Variants in VAV3 observed in about 807,000 individuals in gnomAD.
VAV3 encodes guanine nucleotide exchange factor VAV3.
A neutral mutation model predicts 131.2 loss-of-function variants in VAV3; 94 were observed. The observed-to-expected ratio is 0.72, with a 90% CI of 0.61 to 0.85. The LOEUF (loss-of-function observed/expected upper bound fraction) is 0.85, where lower values mean the gene tolerates loss of function less well. VAV3 is among the 40% of genes least tolerant of loss of function. The pLI is 0.00. For missense variants in VAV3, 939 were observed against 1,002.7 expected, an observed-to-expected ratio of 0.94 and a Z score of 0.86; for synonymous variants, 349 against 342.0, an observed-to-expected ratio of 1.02 and a Z score of -0.22.
intron 25 of VAV3, among the ~76,000 whole-genome samples, chr1:107,584,283 T>C (rs748073556): frequency 2.9e-4 from 44 of 152,290 alleles, no homozygotes; most frequent in Non-Finnish European, 5.3e-4. Context: ...ACTTAAACAT[T>C]AGACCTAAAA....
At chr1:107,707,729 CTG>C (rs1403506758) in intron 15 of VAV3, among the ~76,000 whole-genome samples, 2 of 152,182 alleles carry the variant, frequency 1.3e-5, no homozygotes, top group Non-Finnish European at 2.9e-5. Flanking sequence ...GTGTATGAAA[CTG>C]TGATCTCTTC....
chr1:107,624,655 C>A (rs1037836115), intron 20 of VAV3, among the ~76,000 whole-genome samples: 2 of 152,044 alleles, frequency 1.3e-5, no homozygotes, highest in African/African-American at 4.8e-5. Flanking sequence ...CTATCCTTGG[C>A]AATTTTAATC....
In VAV3 at chr1:107,950,692, C is replaced by T. The variant is rs557012900; in HGVS notation, c.204+13974G>A. Among the ~76,000 whole-genome samples the T allele has an allele frequency of 6.6e-5, 10 of 152,208 alleles. No homozygotes were observed. The South Asian group carries it at 2.1e-3, about 32-fold the overall frequency. ...TCTAGGAGTCAGGTGACTGGCATAT[C>T]TCATGTTACAGAAGGTGAAGGGAAT... On this transcript the variant is annotated intron_variant, in intron 1 of 26. Coordinates refer to ENST00000370056, the MANE Select transcript of VAV3 (RefSeq NM_006113.5).
At chr1:107,665,643 A>T (rs1351499534) in intron 19 of VAV3, among the ~76,000 whole-genome samples, 1 of 152,222 alleles carries the variant, frequency 6.6e-6, no homozygotes, top group Non-Finnish European at 1.5e-5. Context: ...TCATATGACA[A>T]GGTCAAGGGT....
intron 20 of VAV3, among the ~76,000 whole-genome samples, chr1:107,641,810 A>G (rs1325434401): frequency 6.6e-6 from 1 of 152,152 alleles, no homozygotes; most frequent in Non-Finnish European, 1.5e-5. Flanking sequence ...CTCGGTTTGG[A>G]AAAAATGCTC....
intron 1 of VAV3, among the ~76,000 whole-genome samples, chr1:107,892,011 T>C (rs1342901083): frequency 1.3e-5 from 2 of 152,118 alleles, no homozygotes; most frequent in Non-Finnish European, 2.9e-5. Flanking sequence ...CTAGTGAAAT[T>C]TGCATGTCAA....
rs975228799 is a variant in VAV3, at chr1:107,757,443, A to C, written c.1018-114T>G. ...ATTGGTTTTCTCTCTATAATGTGAT[A>C]AATCTAATATGTCTGGGCTCCATTT... On this transcript the variant is annotated intron_variant, in intron 10 of 26. Coordinates refer to ENST00000370056, the MANE Select transcript of VAV3 (RefSeq NM_006113.5). 7.8e-6 allele frequency: 7 copies of C among 899,546 alleles called. No individual in the cohort carries two copies. In the African/African-American group the frequency reaches 8.5e-5, roughly 11 times the overall value. The allele number at this position is 899,546 out of a possible 1,614,324, so 55.7% of individuals were successfully genotyped here.
chr1:107,621,940 GAAA>G (rs1371462522), intron 20 of VAV3, among the ~76,000 whole-genome samples: 1 of 152,070 alleles, frequency 6.6e-6, no homozygotes, highest in Non-Finnish European at 1.5e-5. Flanking sequence ...TCATTCTTAT[GAAA>G]ATACATTCTT....
chr1:107,731,406 T>C (rs1210299099), intron 15 of VAV3, among the ~76,000 whole-genome samples: 1 of 152,160 alleles, frequency 6.6e-6, no homozygotes, highest in Non-Finnish European at 1.5e-5. Context: ...CTAAATTAAG[T>C]TTCTTTTCAT....
At chr1:107,881,159 G>A (rs1304357207) in intron 1 of VAV3, among the ~76,000 whole-genome samples, 1 of 152,160 alleles carries the variant, frequency 6.6e-6, no homozygotes, top group Non-Finnish European at 1.5e-5. Flanking sequence ...GAGAGATGAT[G>A]TGGCATAGGA....
At chr1:107,846,567 G>T (rs1668980482) in intron 2 of VAV3, among the ~76,000 whole-genome samples, 1 of 152,140 alleles carries the variant, frequency 6.6e-6, no homozygotes, top group South Asian at 2.1e-4. Context: ...AGGGATGGAG[G>T]AATATTTACC....
At chr1:107,940,500 A>G (rs1224067000) in intron 1 of VAV3, among the ~76,000 whole-genome samples, 2 of 152,232 alleles carry the variant, frequency 1.3e-5, no homozygotes, top group Non-Finnish European at 2.9e-5. Context: ...ATAAAAACAA[A>G]GTCCTCCTGG....
At chr1:107,648,656 C>G (rs1294785395) in intron 19 of VAV3, among the ~76,000 whole-genome samples, 3 of 152,034 alleles carry the variant, frequency 2.0e-5, no homozygotes, top group Admixed American at 2.0e-4. Flanking sequence ...CACAATTTTA[C>G]AGAGTATTGT....
Position 107,704,405 on chromosome 1 carries a change from T to C in VAV3, c.1705+145A>G, listed in dbSNP as rs570536886. The C allele has an allele frequency of 1.5e-4, 88 of 600,452 alleles. 1 individual carries two copies. In the South Asian group the frequency reaches 2.0e-3, roughly 14 times the overall value. The allele number at this position is 600,452 out of a possible 1,614,324, so 37.2% of individuals were successfully genotyped here. A position where few individuals can be genotyped will look rare whatever the true frequency, so the allele number is the denominator to read the frequency against. ...AGAAAACTCACGTAAATTTTAAGCA[T>C]TTTTCTAATTGTGCTTATAAATAAT... is the stretch of plus-strand genomic sequence containing the variant. On this transcript the variant is annotated intron_variant, in intron 17 of 26. Transcript: ENST00000370056.
At chr1:107,867,358 G>A (rs1382609909) in intron 2 of VAV3, among the ~76,000 whole-genome samples, 2 of 152,142 alleles carry the variant, frequency 1.3e-5, no homozygotes, top group African/African-American at 4.8e-5. Context: ...CATGGCTCGG[G>A]TACTAAAGTT....
chr1:107,707,832 G>A (rs1343238785), intron 15 of VAV3, among the ~76,000 whole-genome samples: 5 of 152,190 alleles, frequency 3.3e-5, no homozygotes, highest in African/African-American at 1.2e-4. Context: ...GGCTGGATGA[G>A]AAGGGTTGGG....
intron 1 of VAV3, among the ~76,000 whole-genome samples, chr1:107,947,900 A>G (rs1557940731): frequency 6.6e-6 from 1 of 152,170 alleles, no homozygotes; most frequent in East Asian, 1.9e-4. Context: ...CTGACAAACA[A>G]ATGGTCCCTA....
intron 2 of VAV3, among the ~76,000 whole-genome samples, chr1:107,810,022 G>A (rs536126604): frequency 6.6e-6 from 1 of 152,280 alleles, no homozygotes; most frequent in African/African-American, 2.4e-5. Context: ...AGAAGTTTAT[G>A]TGTTTATAAA....
At chr1:107,872,196 A>G (rs1670285994) in intron 2 of VAV3, among the ~76,000 whole-genome samples, 1 of 152,128 alleles carries the variant, frequency 6.6e-6, no homozygotes, top group Admixed American at 6.6e-5. Context: ...TCACTATCCA[A>G]GCACCTCCCC....
Sources: gnomAD v4.1 joint callset for allele counts (sites outside exome capture counted in the v4.1 genomes callset) on GRCh38, gnomAD v4.1.1 for gene constraint, MANE v1.5 for transcripts, NCBI Gene and HGNC (gene_info 2026-07-23, HGNC 2026-07-21) for gene names.